Variants in RUNX1T1 observed in about 807,000 individuals in gnomAD.
RUNX1T1 encodes the protein protein CBFA2T1.
RUNX1T1 carries 4 observed loss-of-function variants against 62.8 expected under a neutral mutation model. That is an observed-to-expected ratio of 0.06 (90% confidence interval 0.03 to 0.15). The LOEUF is 0.15. RUNX1T1 is among the 10% of genes least tolerant of loss of function. The pLI is 1.00. For synonymous variants in RUNX1T1, 291 were observed against 286.0 expected, an observed-to-expected ratio of 1.02 and a Z score of -0.18; for missense variants, 508 against 754.3, an observed-to-expected ratio of 0.67 and a Z score of 3.82.
At chr8:92,028,379 T>C (rs1320236586) in intron 1 of RUNX1T1, among the ~76,000 whole-genome samples, 2 of 152,172 alleles carry the variant, frequency 1.3e-5, no homozygotes, top group Non-Finnish European at 2.9e-5. Context: ...ATTACTTGTA[T>C]GTCTAAGTCC....
chr8:91,975,685 T>G (rs966739191), intron 9 of RUNX1T1, among the ~76,000 whole-genome samples: 3 of 152,210 alleles, frequency 2.0e-5, no homozygotes, highest in Non-Finnish European at 2.9e-5. Context: ...ATAGTGAAAC[T>G]GGCAGATGTT....
Position 92,080,867 on chromosome 8 carries a change from A to G in RUNX1T1, c.-85-4730T>C, listed in dbSNP as rs141998903. Reference sequence around the variant, plus strand: ...AAAATCCTACAAATATTTTTAAGTAACAAATTAATCAGAAGGTAGGCAACC... The same window carrying G: ...AAAATCCTACAAATATTTTTAAGTAGCAAATTAATCAGAAGGTAGGCAACC... On this transcript the variant is annotated intron_variant, in intron 1 of 11. Coordinates refer to the RUNX1T1 transcript ENST00000265814. Among the ~76,000 whole-genome samples the G allele has an allele frequency of 9.3e-4, 141 of 152,404 alleles. 2 individuals carry two copies. The Middle Eastern group carries it at 0.014, about 15-fold the overall frequency.
rs770893900 is a variant in RUNX1T1, at chr8:92,084,405, C to T, written c.-85-8268G>A. On this transcript the variant is annotated intron_variant, in intron 1 of 11. Coordinates refer to the RUNX1T1 transcript ENST00000265814. ...AATTGTGCATTCTTTGACAAGAGAA[C>T]GCAATGAAAGCGACCAAGGTGGAAA... Among the ~76,000 whole-genome samples, 9 of 151,850 alleles carry T rather than the reference C, an allele frequency of 5.9e-5. 1 individual carries two copies. Among genetic ancestry groups the T allele is most frequent in the South Asian group, 2.1e-4 (1 of 4,804 alleles).
At chr8:92,043,830 T>G (rs1469396542) in intron 1 of RUNX1T1, among the ~76,000 whole-genome samples, 1 of 151,620 alleles carries the variant, frequency 6.6e-6, no homozygotes, top group Non-Finnish European at 1.5e-5. Flanking sequence ...TACAAAAAAT[T>G]AGGTGGGCAT....
rs115147418 is a variant in RUNX1T1 at position 92,074,838 on chromosome 8, C to G, written c.88+1127G>C. 3.0e-3 allele frequency among the ~76,000 whole-genome samples: 450 copies of G among 152,146 alleles called. 1 individual carries two copies. The highest frequency in any genetic ancestry group is 0.01 in the African/African-American group (432 of 41,490). On this transcript the variant is annotated intron_variant, in intron 2 of 11. Coordinates refer to the RUNX1T1 transcript ENST00000265814. ...TAATTGTATTAAAAGAACATCATCA[C>G]AGTATGAAGAAGGAGGAATGAAAAG...
At chr8:91,985,983 C>A in intron 8 of RUNX1T1, 141 bp downstream of exon 9, 1 of 699,586 alleles carries the variant, frequency 1.4e-6, no homozygotes, top group Admixed American at 2.3e-5. Flanking sequence ...AACAGATAGA[C>A]AAGACATATT....
chr8:92,034,786 A>ATAGACACG (rs1563810668), intron 1 of RUNX1T1, among the ~76,000 whole-genome samples: 1 of 127,776 alleles, frequency 7.8e-6, no homozygotes, highest in Non-Finnish European at 1.6e-5. Flanking sequence ...ACACATATAT[A>ATAGACACG]TATACATATA....
In RUNX1T1 at chr8:92,042,129, G is replaced by A. The variant is rs186449099; in HGVS notation, c.7+20417C>T. Among the ~76,000 whole-genome samples, 5 of 152,148 alleles carry A rather than the reference G, an allele frequency of 3.3e-5. No homozygotes were observed. The East Asian group carries it at 9.7e-4, about 30-fold the overall frequency. ...TGATCTGTGCCTGGCCTGAAGGGGT[G>A]GTTCTTTATCTCTTTCATATGTAAA... On this transcript the variant is annotated intron_variant, in intron 1 of 10. Transcript: ENST00000396218.
intron 1 of RUNX1T1, among the ~76,000 whole-genome samples, chr8:92,089,552 C>G (rs144042214): frequency 1.2e-3 from 176 of 152,162 alleles, no homozygotes; most frequent in Admixed American, 5.2e-3. Context: ...TGGCTAAACA[C>G]AAGCAACCCC....
chr8:92,080,812 C>T (rs1040558247), intron 1 of RUNX1T1, among the ~76,000 whole-genome samples: 3 of 152,214 alleles, frequency 2.0e-5, no homozygotes, highest in Non-Finnish European at 2.9e-5. Flanking sequence ...TTTCTTCAAG[C>T]CCCTTTCTCT....
At chr8:92,030,159 C>A (rs1422092855) in intron 1 of RUNX1T1, among the ~76,000 whole-genome samples, 1 of 152,098 alleles carries the variant, frequency 6.6e-6, no homozygotes, top group African/African-American at 2.4e-5. Context: ...AGCTCAAATT[C>A]ACTTACTCAA....
At chr8:92,077,678 A>G (rs1007023425) in intron 1 of RUNX1T1, among the ~76,000 whole-genome samples, 2 of 152,136 alleles carry the variant, frequency 1.3e-5, no homozygotes, top group Non-Finnish European at 2.9e-5. Context: ...AACCATCAAC[A>G]AAGGCCATCA....
At chr8:92,081,742 T>C (rs570537586) in intron 1 of RUNX1T1, among the ~76,000 whole-genome samples, 1 of 152,216 alleles carries the variant, frequency 6.6e-6, no homozygotes, top group East Asian at 1.9e-4. Flanking sequence ...CTCAAGAGGC[T>C]ATAACAACTG....
At chr8:92,016,589 C>T (rs1195245257) in intron 2 of RUNX1T1, among the ~76,000 whole-genome samples, 3 of 152,054 alleles carry the variant, frequency 2.0e-5, no homozygotes, top group African/African-American at 7.2e-5. Context: ...GCAGGAGAAT[C>T]GCTTGAACTT....
chr8:91,969,716 CAG>C (rs1812378976), intron 10 of RUNX1T1, among the ~76,000 whole-genome samples: 1 of 152,274 alleles, frequency 6.6e-6, no homozygotes, highest in South Asian at 2.1e-4. Flanking sequence ...GAGATTCCTG[CAG>C]AGTCTTTCAT....
At chr8:92,034,670 A>ATGTGTG (rs35165263) in intron 1 of RUNX1T1, among the ~76,000 whole-genome samples, 2 of 148,876 alleles carry the variant, frequency 1.3e-5, no homozygotes, top group African/African-American at 5.0e-5. Flanking sequence ...GCATATATAT[A>ATGTGTG]TGTGTGTGTG....
At position 92,076,158 on chromosome 8, in the gene RUNX1T1, A is replaced by G. The variant is rs562249135; in HGVS notation, c.-85-21T>C. 204 of 1,471,804 alleles carry G rather than the reference A, an allele frequency of 1.4e-4. No homozygotes were observed. The South Asian group carries it at 2.8e-3, about 20-fold the overall frequency. 91.2% of individuals were successfully genotyped at this position (1,471,804 alleles called of 1,614,324 possible). A position where few individuals can be genotyped will look rare whatever the true frequency, so the allele number is the denominator to read the frequency against. ...CTTTTCTATTGACAACAACAAAGGG[A>G]AAAAAAATGCATATATCACAACCAG... is the stretch of plus-strand genomic sequence containing the variant. On this transcript the variant is annotated intron_variant, in intron 1 of 11. Transcript: ENST00000265814.
intron 1 of RUNX1T1, among the ~76,000 whole-genome samples, chr8:92,061,549 A>G (rs1587402199): frequency 6.6e-6 from 1 of 152,238 alleles, no homozygotes; most frequent in Non-Finnish European, 1.5e-5. Context: ...TTCTGCATAT[A>G]TATCAATAAT....
At position 92,010,919 on chromosome 8, in the gene RUNX1T1, T is replaced by G. The variant is rs767287072; in HGVS notation, c.477+83A>C. On this transcript the variant is annotated intron_variant, in intron 4 of 10. Coordinates refer to ENST00000396218, the Ensembl canonical transcript of RUNX1T1. ...CCATTAAATTAAATCAAAGAGCCCC[T>G]AAATGTACTAAAAAAGCACACAGTT... is the stretch of plus-strand genomic sequence containing the variant. 8 of 749,800 alleles carry G rather than the reference T, an allele frequency of 1.1e-5. No homozygotes were observed. In the South Asian group the frequency reaches 1.3e-4, roughly 12 times the overall value. 46.4% of individuals were successfully genotyped at this position (749,800 alleles called of 1,614,324 possible).
Sources: allele counts gnomAD v4.1 joint callset (sites outside exome capture counted in the v4.1 genomes callset), GRCh38; gene constraint gnomAD v4.1.1; transcripts MANE v1.5; gene names NCBI Gene and HGNC (gene_info 2026-07-23, HGNC 2026-07-21).